Variants in ARHGEF4 observed in about 807,000 individuals in gnomAD.
ARHGEF4 encodes Rho guanine nucleotide exchange factor 4, also known as APC-stimulated guanine nucleotide exchange factor 1.
A neutral mutation model predicts 162.0 loss-of-function variants in ARHGEF4; 119 were observed. That is an observed-to-expected ratio of 0.73 (90% confidence interval 0.63 to 0.86). The LOEUF (loss-of-function observed/expected upper bound fraction) is 0.86. Ranked by LOEUF, ARHGEF4 falls within the 40% of genes least tolerant of loss-of-function variation. ARHGEF4 has a pLI of 0.00. For synonymous variants in ARHGEF4, 1,014 were observed against 979.9 expected (o/e 1.03, Z -0.65); for missense variants, 2,488 against 2,456.0 (o/e 1.01, Z -0.28).
intron 4 of ARHGEF4, among the ~76,000 whole-genome samples, chr2:130,948,653 T>C (rs955450503): frequency 1.3e-5 from 2 of 152,252 alleles, no homozygotes; most frequent in Non-Finnish European, 2.9e-5. Flanking sequence ...ACATCCAGCA[T>C]GTATGCATAC....
chr2:130,991,563 C>G (rs548035716), intron 4 of ARHGEF4, among the ~76,000 whole-genome samples: 14 of 152,330 alleles, frequency 9.2e-5, no homozygotes, highest in Admixed American at 4.6e-4. Context: ...CTGCCGGCCC[C>G]GGGCAATGAG....
chr2:130,865,589 TCA>T (rs1200682743), intron 1 of ARHGEF4, among the ~76,000 whole-genome samples: 3 of 152,208 alleles, frequency 2.0e-5, no homozygotes, highest in Non-Finnish European at 4.4e-5. Flanking sequence ...ACATTCCAAA[TCA>T]CACACTCAGG....
At chr2:131,045,247 TG>T in intron 12 of ARHGEF4, 121 bp from the exon 13 acceptor site, 1 of 918,016 alleles carries the variant, frequency 1.1e-6, no homozygotes, top group Non-Finnish European at 1.7e-6. Flanking sequence ...GTCCCCGCTG[TG>T]GCCAGTACTG....
At chr2:130,973,546 C>T (rs1685498206) in intron 4 of ARHGEF4, among the ~76,000 whole-genome samples, 2 of 152,130 alleles carry the variant, frequency 1.3e-5, no homozygotes, top group South Asian at 2.1e-4. Context: ...CCCATACTAG[C>T]ACTTCTTGCA....
chr2:130,972,542 T>A lies in ARHGEF4; in HGVS notation c.3985+25907T>A, dbSNP rs559815532. Among the ~76,000 whole-genome samples, 6 of 152,326 alleles carry A rather than the reference T, an allele frequency of 3.9e-5. No individual in the cohort carries two copies. The South Asian group carries it at 6.2e-4, about 16-fold the overall frequency. On this transcript the variant is annotated intron_variant, in intron 4 of 13. Transcript: ENST00000409359. ...GAAATCCTGACTCAGTCCTCTGTTG[T>A]GGTCTCAAAGTTGTTGACATAACAT...
At chr2:131,044,652 G>A in intron 12 of ARHGEF4, 110 bp downstream of exon 12, 3 of 1,406,182 alleles carry the variant, frequency 2.1e-6, no homozygotes, top group East Asian at 2.5e-5. Flanking sequence ...CAGGTTGCAG[G>A]GTGTAGCAAG....
chr2:131,042,492 C>G (rs897202486), intron 10 of ARHGEF4, among the ~76,000 whole-genome samples: 2 of 150,846 alleles, frequency 1.3e-5, no homozygotes, highest in East Asian at 4.0e-4. Flanking sequence ...ACCTCCTGAT[C>G]TGTTCCCGAA....
chr2:131,038,782 G>A, intron 5 of ARHGEF4, 71 bp from the exon 6 acceptor site: 1 of 1,501,112 alleles, frequency 6.7e-7, no homozygotes, highest in Non-Finnish European at 8.9e-7. Context: ...TGCTGAGGGA[G>A]TGGAGACAGA....
intron 4 of ARHGEF4, chr2:130,964,132 C>T: frequency 1.0e-6 from 1 of 979,904 alleles, no homozygotes. Context: ...CGGGCTGTCC[C>T]CGGGCTCCGA....
intron 8 of ARHGEF4, 49 bp from the exon 9 acceptor site, chr2:131,041,181 C>A: frequency 6.5e-7 from 1 of 1,547,914 alleles, no homozygotes; most frequent in Non-Finnish European, 8.8e-7. Flanking sequence ...AGCTGGATTG[C>A]CTGTGGGAGC....
chr2:130,876,189 G>C (rs1455896241), intron 1 of ARHGEF4, among the ~76,000 whole-genome samples: 1 of 152,150 alleles, frequency 6.6e-6, no homozygotes, highest in Non-Finnish European at 1.5e-5. Context: ...TTTGCTGTCT[G>C]TCTTGCTCTA....
At position 130,860,696 on chromosome 2, in the gene ARHGEF4, C is replaced by T. The variant is rs1455542593; in HGVS notation, c.39+23704C>T. ...CTGCACTCCAGCCTGGGCGACAGAG[C>T]GAGACTCCATCTCAAAAAAATAAAA... On this transcript the variant is annotated intron_variant, in intron 1 of 13. Transcript: ENST00000409359. 2.6e-4 allele frequency among the ~76,000 whole-genome samples: 30 copies of T among 115,770 alleles called. 7 individuals are homozygous for T. In the South Asian group the frequency reaches 5.5e-3, roughly 21 times the overall value. The allele number at this position is 115,770 out of a possible 152,430, so 75.9% of individuals were successfully genotyped here.
chr2:130,951,272 T>C (rs940523959), intron 4 of ARHGEF4, among the ~76,000 whole-genome samples: 10 of 152,224 alleles, frequency 6.6e-5, no homozygotes, highest in African/African-American at 2.2e-4. Flanking sequence ...GCTGTTTGGC[T>C]TGAGAGGCCT....
chr2:130,947,388 C>A (rs547932687), intron 4 of ARHGEF4, among the ~76,000 whole-genome samples: 1 of 151,888 alleles, frequency 6.6e-6, no homozygotes, highest in Admixed American at 6.6e-5. Flanking sequence ...AGTGATACTC[C>A]GTCTCAAGAA....
chr2:130,879,501 A>G (rs1438384879), intron 1 of ARHGEF4, among the ~76,000 whole-genome samples: 1 of 152,146 alleles, frequency 6.6e-6, no homozygotes. Context: ...ATCATTATTA[A>G]CTATAGTCAC....
At chr2:130,928,911 T>C (rs1209581914) in intron 2 of ARHGEF4, among the ~76,000 whole-genome samples, 2 of 152,190 alleles carry the variant, frequency 1.3e-5, no homozygotes, top group African/African-American at 4.8e-5. Context: ...CCTCTCTCTA[T>C]TCTATCTGTC....
Position 131,046,245 on chromosome 2 carries a change from T to C in ARHGEF4, c.*56T>C. 1 of 1,547,824 alleles carries C rather than the reference T, an allele frequency of 6.5e-7. No individual in the cohort carries two copies. Among genetic ancestry groups the C allele is most frequent in the South Asian group, 1.2e-5 (1 of 85,330 alleles). ...CCTTCCTGCCAGTGGCCCCCAGTTT[T>C]TCTTCCCCGAGGCCCACTCGGCCTG... On this transcript the variant is annotated 3_prime_UTR_variant, in exon 14 of 14. Transcript: ENST00000409359.
At chr2:130,963,624 G>GCGCCCGC (rs1684772960) in intron 4 of ARHGEF4, 1 of 147,422 alleles carries the variant, frequency 6.8e-6, no homozygotes, top group African/African-American at 2.4e-5. Flanking sequence ...CCCCGCGCCC[G>GCGCCCGC]CGCCCGCCGC....
At chr2:130,846,298 G>A (rs567322053) in intron 1 of ARHGEF4, among the ~76,000 whole-genome samples, 10 of 152,224 alleles carry the variant, frequency 6.6e-5, no homozygotes, top group Non-Finnish European at 1.5e-4. Context: ...TCAGCCTGGG[G>A]TGACTGGTCA....
Sources: allele counts gnomAD v4.1 joint callset (sites outside exome capture counted in the v4.1 genomes callset), GRCh38; gene constraint gnomAD v4.1.1; transcripts MANE v1.5; gene names NCBI Gene and HGNC (gene_info 2026-07-23, HGNC 2026-07-21).